Variants in BMPR1B observed in about 807,000 individuals in gnomAD.
BMPR1B encodes the protein bone morphogenetic protein receptor type-1B.
BMPR1B carries 12 observed loss-of-function variants against 59.1 expected under a neutral mutation model. The ratio of observed to expected loss-of-function variants is 0.20; its 90% CI spans 0.13 to 0.33. The LOEUF (loss-of-function observed/expected upper bound fraction) is 0.33. BMPR1B is among the 10% of genes least tolerant of loss of function. The pLI is 1.00. For missense variants in BMPR1B, 550 were observed against 610.9 expected, an observed-to-expected ratio of 0.90 and a Z score of 1.05; for synonymous variants, 237 against 207.3, an observed-to-expected ratio of 1.14 and a Z score of -1.23.
chr4:94,810,321 T>C (rs1273649593), intron 1 of BMPR1B, among the ~76,000 whole-genome samples: 1 of 152,210 alleles, frequency 6.6e-6, no homozygotes, highest in African/African-American at 2.4e-5. Flanking sequence ...CTAAGCAATA[T>C]GTGGAAATTT....
At chr4:94,922,255 A>C (rs1308643613) in intron 2 of BMPR1B, among the ~76,000 whole-genome samples, 1 of 152,110 alleles carries the variant, frequency 6.6e-6, no homozygotes, top group Non-Finnish European at 1.5e-5. Context: ...GATTACAGGC[A>C]TGAGTCATTG....
At chr4:95,148,587 T>C (rs1379178161) in intron 10 of BMPR1B, among the ~76,000 whole-genome samples, 161 bp from the exon 11 acceptor site, 1 of 152,192 alleles carries the variant, frequency 6.6e-6, no homozygotes, top group African/African-American at 2.4e-5. Context: ...ATATTTAATA[T>C]AGCTTTTGGC....
At chr4:94,768,172 G>A (rs2110565788) in intron 1 of BMPR1B, among the ~76,000 whole-genome samples, 1 of 152,082 alleles carries the variant, frequency 6.6e-6, no homozygotes, top group South Asian at 2.1e-4. Context: ...GATTTACAGA[G>A]CCATAAAGAC....
At chr4:94,908,438 T>G (rs1388529604) in intron 2 of BMPR1B, among the ~76,000 whole-genome samples, 2 of 151,992 alleles carry the variant, frequency 1.3e-5, no homozygotes, top group Admixed American at 6.6e-5. Context: ...CTGGTTATCT[T>G]TCTTCTCTCA....
chr4:94,902,249 C>CACAGAG (rs1190142911), intron 2 of BMPR1B, among the ~76,000 whole-genome samples: 2 of 68,990 alleles, frequency 2.9e-5, no homozygotes, highest in East Asian at 6.5e-4. Flanking sequence ...CACACACACA[C>CACAGAG]AGAGAGAGAG....
At position 94,841,296 on chromosome 4, in the gene BMPR1B, C is replaced by T. The variant is rs570472529; in HGVS notation, c.-182-34535C>T. Among the ~76,000 whole-genome samples the T allele has an allele frequency of 1.8e-3, 265 of 148,206 alleles. 9 individuals are homozygous for T. The highest frequency in any genetic ancestry group is 2.6e-3 in the Non-Finnish European group (172 of 66,330). ...TGAGCTGTGTGGGCTCCACCCAGTT[C>T]GAGCTTCCTGGCTGCTTTGTTTACC... is the stretch of plus-strand genomic sequence containing the variant. On this transcript the variant is annotated intron_variant, in intron 1 of 12. Transcript: ENST00000515059.
At chr4:94,922,975 T>C (rs1292474636) in intron 2 of BMPR1B, among the ~76,000 whole-genome samples, 1 of 152,164 alleles carries the variant, frequency 6.6e-6, no homozygotes, top group Non-Finnish European at 1.5e-5. Context: ...GATAGAGTGC[T>C]CACCATTGCT....
chr4:95,148,213 A>G (rs892345298), intron 10 of BMPR1B, among the ~76,000 whole-genome samples: 1 of 152,180 alleles, frequency 6.6e-6, no homozygotes, highest in African/African-American at 2.4e-5. Flanking sequence ...AGCTGGCTTA[A>G]AAAATACTGT....
chr4:94,875,785 T>A (rs1378800617), intron 1 of BMPR1B, 46 bp from the exon 2 acceptor site: 2 of 152,636 alleles, frequency 1.3e-5, no homozygotes, highest in African/African-American at 4.8e-5. Flanking sequence ...AATAAACCTT[T>A]CTCAAGCCAC....
chr4:94,887,236 CAA>C (rs35669478), intron 2 of BMPR1B, among the ~76,000 whole-genome samples: 4,461 of 141,850 alleles, frequency 0.031, 131 homozygotes, highest in African/African-American at 0.075. Flanking sequence ...CCAGATTGAC[CAA>C]AAAAAAAAAA....
chr4:95,137,948 T>C (rs1300337621), intron 10 of BMPR1B, among the ~76,000 whole-genome samples: 1 of 152,182 alleles, frequency 6.6e-6, no homozygotes, highest in Non-Finnish European at 1.5e-5. Context: ...ATCCTGTCAT[T>C]ATGATGTTAG....
intron 2 of BMPR1B, among the ~76,000 whole-genome samples, chr4:94,902,166 C>T (rs1405375997): frequency 1.5e-5 from 2 of 130,920 alleles, no homozygotes; most frequent in Non-Finnish European, 3.1e-5. Flanking sequence ...GCGAATATAG[C>T]AGTTGAAGTG....
intron 4 of BMPR1B, among the ~76,000 whole-genome samples, chr4:95,111,179 A>G (rs1419713827): frequency 4.6e-5 from 7 of 152,112 alleles, no homozygotes; most frequent in Non-Finnish European, 7.4e-5. Context: ...TATAAATATA[A>G]TGCTTTCAAA....
intron 10 of BMPR1B, among the ~76,000 whole-genome samples, chr4:95,132,412 T>C (rs1282847080): frequency 6.6e-6 from 1 of 152,144 alleles, no homozygotes; most frequent in Non-Finnish European, 1.5e-5. Context: ...GACTGATTGA[T>C]TGGTATTTTC....
intron 10 of BMPR1B, among the ~76,000 whole-genome samples, chr4:95,142,874 A>G (rs1334748864): frequency 6.6e-6 from 1 of 151,250 alleles, no homozygotes; most frequent in African/African-American, 2.4e-5. Flanking sequence ...GTTTATAACT[A>G]AAAGGCTTAA....
rs1462779726 is a variant in BMPR1B at position 95,157,322 on chromosome 4, A to G, written c.*2649A>G. The G allele has an allele frequency of 1.3e-5, 2 of 152,106 alleles. No individual in the cohort carries two copies. The highest frequency in any genetic ancestry group is 3.8e-4 in the East Asian group (2 of 5,198). The allele number at this position is 152,106 out of a possible 1,614,324, so 9.4% of individuals were successfully genotyped here. Reference sequence around the variant, plus strand: ...AGATTTTTCTCTGTATCTTACCAAAATCCACTTTACTTAGATAACACTAAA... The same window carrying G: ...AGATTTTTCTCTGTATCTTACCAAAGTCCACTTTACTTAGATAACACTAAA... On this transcript the variant is annotated 3_prime_UTR_variant, in exon 13 of 13. Transcript: ENST00000515059.
chr4:94,893,858 A>G (rs1727489948), intron 2 of BMPR1B, among the ~76,000 whole-genome samples: 1 of 152,048 alleles, frequency 6.6e-6, no homozygotes, highest in Non-Finnish European at 1.5e-5. Flanking sequence ...GGATAACAAC[A>G]TAAAGTGGGC....
At chr4:94,939,958 G>A (rs1213691337) in intron 2 of BMPR1B, among the ~76,000 whole-genome samples, 2 of 152,102 alleles carry the variant, frequency 1.3e-5, no homozygotes, top group Non-Finnish European at 2.9e-5. Flanking sequence ...TGAATTGTTT[G>A]TTTTGAATCA....
At chr4:95,101,522 A>G (rs1367542569) in intron 3 of BMPR1B, among the ~76,000 whole-genome samples, 1 of 152,126 alleles carries the variant, frequency 6.6e-6, no homozygotes, top group East Asian at 1.9e-4. Flanking sequence ...TACTTTTAGA[A>G]GTACCTTTGA....
Sources: allele counts gnomAD v4.1 joint callset (sites outside exome capture counted in the v4.1 genomes callset), GRCh38; gene constraint gnomAD v4.1.1; transcripts MANE v1.5; gene names NCBI Gene and HGNC (gene_info 2026-07-23, HGNC 2026-07-21).